The following DHRSX variants were observed in gnomAD, a reference collection of about 807,000 sequenced individuals.
The protein encoded by DHRSX is polyprenol dehydrogenase.
A neutral mutation model predicts 34.0 loss-of-function variants in DHRSX; 31 were observed. The ratio of observed to expected loss-of-function variants is 0.91; its 90% CI spans 0.69 to 1.23. The LOEUF is 1.23. Among genes scored for constraint, DHRSX ranks in the 50% most tolerant of loss-of-function variants. The probability of loss-of-function intolerance (pLI) is 0.00; values close to 1 mark genes in which losing one functional copy is unlikely to be tolerated. For missense variants in DHRSX, 414 were observed against 428.1 expected (o/e 0.97, Z 0.29); for synonymous variants, 201 against 183.8 (o/e 1.09, Z -0.76).
chrX:2,418,617 T>C (rs1264345136), intron 2 of DHRSX, among the ~76,000 whole-genome samples: 1 of 152,194 alleles, frequency 6.6e-6, no homozygotes, highest in Non-Finnish European at 1.5e-5. Flanking sequence ...TAACCAGTAA[T>C]GGATGTGAGC....
chrX:2,302,779 C>A (rs973664372), intron 3 of DHRSX, among the ~76,000 whole-genome samples: 1 of 152,048 alleles, frequency 6.6e-6, no homozygotes, highest in African/African-American at 2.4e-5. Flanking sequence ...TAATGACAGT[C>A]ATTTAAGCTT....
chrX:2,333,157 T>C (rs2042502483), intron 3 of DHRSX, among the ~76,000 whole-genome samples: 1 of 152,226 alleles, frequency 6.6e-6, no homozygotes, highest in Admixed American at 6.5e-5. Flanking sequence ...TAAAAAAAGG[T>C]ATTTCATGAT....
intron 5 of DHRSX, among the ~76,000 whole-genome samples, chrX:2,249,616 C>T (rs1244433520): frequency 6.8e-6 from 1 of 147,658 alleles, no homozygotes; most frequent in Admixed American, 6.8e-5. Context: ...CTCCACCTCC[C>T]GGGTTCAAGT....
chrX:2,353,034 G>A (rs1268145957), intron 3 of DHRSX, among the ~76,000 whole-genome samples: 2 of 152,070 alleles, frequency 1.3e-5, no homozygotes, highest in Non-Finnish European at 2.9e-5. Flanking sequence ...TTGAGCTCGG[G>A]AGTTTGAGAC....
chrX:2,452,182 C>T (rs1177260137), intron 1 of DHRSX, among the ~76,000 whole-genome samples: 2 of 151,734 alleles, frequency 1.3e-5, no homozygotes, highest in East Asian at 1.9e-4. Context: ...GCTAAGGGAC[C>T]GCCGCCATGT....
intron 1 of DHRSX, among the ~76,000 whole-genome samples, chrX:2,458,003 C>A (rs1194736914): frequency 2.0e-5 from 3 of 151,770 alleles, no homozygotes; most frequent in African/African-American, 7.3e-5. Flanking sequence ...ACACTGAAGA[C>A]GTTCCCTAAG....
At chrX:2,428,018 T>C (rs1457911187) in intron 1 of DHRSX, among the ~76,000 whole-genome samples, 1 of 152,186 alleles carries the variant, frequency 6.6e-6, no homozygotes, top group African/African-American at 2.4e-5. Context: ...GAAAGTCAAG[T>C]ACCACATGTT....
At chrX:2,360,331 T>A (rs1033320775) in intron 3 of DHRSX, among the ~76,000 whole-genome samples, 1 of 152,186 alleles carries the variant, frequency 6.6e-6, no homozygotes, top group African/African-American at 2.4e-5. Context: ...ACGCCTGTAA[T>A]CCCAGCACTT....
At chrX:2,408,126 T>C (rs1403718809) in intron 3 of DHRSX, among the ~76,000 whole-genome samples, 4 of 151,894 alleles carry the variant, frequency 2.6e-5, no homozygotes, top group Admixed American at 1.3e-4. Context: ...TCTTTCTTTT[T>C]TTTTTTTGAG....
At chrX:2,465,508 A>G (rs1225390355) in intron 1 of DHRSX, among the ~76,000 whole-genome samples, 1 of 152,058 alleles carries the variant, frequency 6.6e-6, no homozygotes, top group Admixed American at 6.6e-5. Flanking sequence ...CCTCTTATGA[A>G]AAGAAAACAG....
At chrX:2,464,125 G>T (rs745741846) in intron 1 of DHRSX, among the ~76,000 whole-genome samples, 157 of 151,556 alleles carry the variant, frequency 1.0e-3, no homozygotes, top group Non-Finnish European at 1.7e-3. Flanking sequence ...AGGGACGGCC[G>T]CCATGTACGC....
At chrX:2,495,588 G>A (rs2045261901) in intron 1 of DHRSX, among the ~76,000 whole-genome samples, 1 of 148,642 alleles carries the variant, frequency 6.7e-6, no homozygotes, top group Non-Finnish European at 1.5e-5. Context: ...CCACACAGTA[G>A]GTGGGTTCCA....
At chrX:2,336,475 AAAG>A (rs1293146237) in intron 3 of DHRSX, 1 of 152,212 alleles carries the variant, frequency 6.6e-6, no homozygotes, top group Non-Finnish European at 1.5e-5. Flanking sequence ...TGTTGCCAGC[AAAG>A]AAGAATGCCA....
chrX:2,466,147 G>T (rs2124690689), intron 1 of DHRSX, among the ~76,000 whole-genome samples: 1 of 152,302 alleles, frequency 6.6e-6, no homozygotes, highest in African/African-American at 2.4e-5. Context: ...CCATGAAAAA[G>T]AATGGGATTG....
At chrX:2,496,098 C>T (rs1236107290) in intron 1 of DHRSX, among the ~76,000 whole-genome samples, 1 of 152,188 alleles carries the variant, frequency 6.6e-6, no homozygotes, top group Non-Finnish European at 1.5e-5. Flanking sequence ...CAGGAGGAAT[C>T]CGTTTCAGTG....
intron 3 of DHRSX, among the ~76,000 whole-genome samples, chrX:2,372,696 C>T (rs1481139403): frequency 6.6e-6 from 1 of 151,822 alleles, no homozygotes; most frequent in Non-Finnish European, 1.5e-5. Flanking sequence ...GCAACCTCCG[C>T]CTCCCGGGTT....
intron 3 of DHRSX, among the ~76,000 whole-genome samples, chrX:2,303,682 G>A (rs1184657434): frequency 3.9e-5 from 6 of 152,120 alleles, no homozygotes; most frequent in Non-Finnish European, 5.9e-5. Flanking sequence ...ATGCATGGAC[G>A]GATGGACGGA....
intron 3 of DHRSX, among the ~76,000 whole-genome samples, chrX:2,387,551 G>A (rs965195141): frequency 3.9e-5 from 6 of 151,936 alleles, no homozygotes; most frequent in African/African-American, 1.4e-4. Context: ...GTCTTTTCAT[G>A]TTTTTCTGCC....
chrX:2,495,731 C>T (rs947307931), intron 1 of DHRSX, among the ~76,000 whole-genome samples: 6 of 152,064 alleles, frequency 3.9e-5, no homozygotes, highest in Non-Finnish European at 5.9e-5. Flanking sequence ...CAGCCTCTCA[C>T]TGCCTCATTC....
Sources: allele counts gnomAD v4.1 joint callset (sites outside exome capture counted in the v4.1 genomes callset), GRCh38; gene constraint gnomAD v4.1.1; transcripts MANE v1.5; gene names NCBI Gene and HGNC (gene_info 2026-07-23, HGNC 2026-07-21).